The following CCDC7 variants were observed in gnomAD, a reference collection of about 807,000 sequenced individuals.
CCDC7 encodes the protein coiled-coil domain-containing protein 7.
In CCDC7, 183 loss-of-function variants were observed where a neutral mutation model predicts 196.9. The observed-to-expected ratio is 0.93, with a 90% CI of 0.82 to 1.05. The LOEUF (loss-of-function observed/expected upper bound fraction) is 1.05. Among genes scored for constraint, CCDC7 ranks in the 50% least tolerant of loss-of-function variants. The pLI is 0.00. For synonymous variants in CCDC7, 525 were observed against 484.6 expected (o/e 1.08, Z -1.10); for missense variants, 1,540 against 1,482.2 (o/e 1.04, Z -0.64).
chr10:32,466,500 A>G (rs979784234), intron 5 of CCDC7, among the ~76,000 whole-genome samples: 4 of 152,046 alleles, frequency 2.6e-5, no homozygotes, highest in Non-Finnish European at 4.4e-5. Context: ...TTTAGCTCCC[A>G]CTTATAAGTG....
At chr10:32,554,306 T>A (rs780662915) in intron 13 of CCDC7, among the ~76,000 whole-genome samples, 1 of 152,220 alleles carries the variant, frequency 6.6e-6, no homozygotes, top group Non-Finnish European at 1.5e-5. Flanking sequence ...CACACCAGAT[T>A]TGTGCCCTCC....
intron 18 of CCDC7, among the ~76,000 whole-genome samples, chr10:32,597,139 C>T (rs1483288369): frequency 6.6e-6 from 1 of 152,160 alleles, no homozygotes; most frequent in Non-Finnish European, 1.5e-5. Flanking sequence ...TGGTTCCATT[C>T]TCCCTGTTAC....
At chr10:32,683,538 T>C (rs1201880698) in intron 21 of CCDC7, among the ~76,000 whole-genome samples, 1 of 152,214 alleles carries the variant, frequency 6.6e-6, no homozygotes, top group Non-Finnish European at 1.5e-5. Context: ...TTGATAGGAA[T>C]AGCATAGAAT....
At chr10:32,467,175 C>T (rs2036982022) in intron 5 of CCDC7, among the ~76,000 whole-genome samples, 1 of 151,708 alleles carries the variant, frequency 6.6e-6, no homozygotes, top group Non-Finnish European at 1.5e-5. Flanking sequence ...AATCTCCGCT[C>T]ACTGCAACCT....
At chr10:32,677,942 G>A (rs189153400) in intron 21 of CCDC7, among the ~76,000 whole-genome samples, 1 of 151,858 alleles carries the variant, frequency 6.6e-6, no homozygotes, top group Non-Finnish European at 1.5e-5. Flanking sequence ...CAAAGGACCT[G>A]TCTTAGAGTT....
At chr10:32,828,491 A>AGAG (rs2091643931) in intron 32 of CCDC7, among the ~76,000 whole-genome samples, 2 of 63,044 alleles carry the variant, frequency 3.2e-5, no homozygotes, top group Non-Finnish European at 5.9e-5. Context: ...AAGAGGAAGA[A>AGAG]GAAGAAGAAG....
chr10:32,536,760 G>A (rs2050576055), intron 11 of CCDC7, among the ~76,000 whole-genome samples: 1 of 152,050 alleles, frequency 6.6e-6, no homozygotes, highest in Non-Finnish European at 1.5e-5. Flanking sequence ...TAAGATCATG[G>A]GGTATTTGGC....
At chr10:32,865,974 A>C (rs1034272359) in intron 41 of CCDC7, among the ~76,000 whole-genome samples, 6 of 151,848 alleles carry the variant, frequency 4.0e-5, no homozygotes, top group Non-Finnish European at 7.4e-5. Flanking sequence ...CCACAGGTTT[A>C]TACAAACACA....
At chr10:32,868,493 C>T (rs995277871) in intron 41 of CCDC7, among the ~76,000 whole-genome samples, 2 of 151,926 alleles carry the variant, frequency 1.3e-5, no homozygotes, top group Non-Finnish European at 2.9e-5. Context: ...GACTTCCAAG[C>T]TCTTTATGTG....
chr10:32,761,422 T>G (rs146382725), intron 28 of CCDC7, among the ~76,000 whole-genome samples: 2 of 152,078 alleles, frequency 1.3e-5, no homozygotes, highest in African/African-American at 4.8e-5. Flanking sequence ...AATAGCAGGT[T>G]TCTGAGTGAC....
At chr10:32,457,144 C>T (rs2034537183) in intron 3 of CCDC7, among the ~76,000 whole-genome samples, 1 of 151,930 alleles carries the variant, frequency 6.6e-6, no homozygotes, top group Admixed American at 6.6e-5. Flanking sequence ...CCCTATCCTC[C>T]CTCACCCCTA....
intron 25 of CCDC7, among the ~76,000 whole-genome samples, chr10:32,719,563 TATC>T (rs1345236141): frequency 1.6e-4 from 24 of 150,926 alleles, no homozygotes; most frequent in African/African-American, 5.3e-4. Context: ...ACAGCAAAAA[TATC>T]ATCAGCATGA....
intron 32 of CCDC7, among the ~76,000 whole-genome samples, chr10:32,830,010 T>C (rs1014867047): frequency 2.7e-5 from 4 of 150,416 alleles, no homozygotes; most frequent in Non-Finnish European, 4.4e-5. Context: ...GGGACTTGAC[T>C]GGCTCTCCTT....
chr10:32,559,110 G>A (rs946846810), intron 13 of CCDC7, among the ~76,000 whole-genome samples: 1 of 152,156 alleles, frequency 6.6e-6, no homozygotes, highest in Admixed American at 6.5e-5. Flanking sequence ...CAGCGAGGCT[G>A]GGGGAGGGGC....
intron 18 of CCDC7, among the ~76,000 whole-genome samples, chr10:32,630,584 C>T (rs2064725829): frequency 1.3e-5 from 2 of 152,102 alleles, no homozygotes; most frequent in East Asian, 1.9e-4. Context: ...GATTTCAGCA[C>T]TCCACTTATA....
chr10:32,548,132 C>T (rs759247487), intron 13 of CCDC7, among the ~76,000 whole-genome samples: 81 of 152,186 alleles, frequency 5.3e-4, no homozygotes, highest in Non-Finnish European at 7.8e-4. Context: ...GTGTGACTTG[C>T]GGATGGAGCA....
At chr10:32,569,141 G>A (rs375427665) in intron 15 of CCDC7, among the ~76,000 whole-genome samples, 4 of 152,018 alleles carry the variant, frequency 2.6e-5, no homozygotes, top group East Asian at 1.9e-4. Context: ...GTCTTCTTAT[G>A]TATCTAGCTT....
chr10:32,555,314 C>A (rs1161161132), intron 13 of CCDC7, among the ~76,000 whole-genome samples: 1 of 150,648 alleles, frequency 6.6e-6, no homozygotes, highest in African/African-American at 2.4e-5. Flanking sequence ...GGTGCGATCT[C>A]AGCTCACTGC....
chr10:32,767,978 A>G (rs1383656190), intron 28 of CCDC7, among the ~76,000 whole-genome samples: 1 of 152,122 alleles, frequency 6.6e-6, no homozygotes, highest in African/African-American at 2.4e-5. Flanking sequence ...GACATATACA[A>G]AAATGCATCA....
Sources: gnomAD v4.1 joint callset for allele counts (sites outside exome capture counted in the v4.1 genomes callset) on GRCh38, gnomAD v4.1.1 for gene constraint, MANE v1.5 for transcripts, NCBI Gene and HGNC (gene_info 2026-07-23, HGNC 2026-07-21) for gene names.